Variants in TENM3 observed in about 807,000 individuals in gnomAD.
TENM3 encodes the protein teneurin transmembrane protein 3.
A neutral mutation model predicts 255.1 loss-of-function variants in TENM3; 63 were observed. The ratio of observed to expected loss-of-function variants is 0.25; its 90% CI spans 0.20 to 0.30. The LOEUF (loss-of-function observed/expected upper bound fraction) is 0.30, where lower values mean the gene tolerates loss of function less well. TENM3 is among the 10% of genes least tolerant of loss of function. The pLI is 1.00. For missense variants in TENM3, 2,929 were observed against 3,461.1 expected, an observed-to-expected ratio of 0.85 and a Z score of 3.86; for synonymous variants, 1,306 against 1,322.3, an observed-to-expected ratio of 0.99 and a Z score of 0.27.
At chr4:181,554,028 C>T in the TENM3 span, among the ~76,000 whole-genome samples, 7 of 152,116 alleles carry the variant, frequency 4.6e-5, no homozygotes. Flanking sequence ...CCTGTCTTCC[C>T]TCATGCGGCT....
At chr4:182,582,658 T>TA (rs1042207203) in intron 3 of TENM3, among the ~76,000 whole-genome samples, 2 of 152,170 alleles carry the variant, frequency 1.3e-5, no homozygotes, top group African/African-American at 4.8e-5. Context: ...GTCCTTTTTT[T>TA]AAAAAAGTAG....
At chr4:182,144,374 C>A, upstream of TENM3, 1 of 152,908 alleles carries the variant, frequency 6.5e-6, no homozygotes. Context: ...CTCGCCTCCC[C>A]GGTCCTCCCG....
At chr4:182,050,067 C>T in the TENM3 span, among the ~76,000 whole-genome samples, 1 of 151,932 alleles carries the variant, frequency 6.6e-6, no homozygotes, top group African/African-American at 2.4e-5. Flanking sequence ...ATCTCGGCTC[C>T]CTGCAACCTT....
intron 1 of TENM3, among the ~76,000 whole-genome samples, chr4:182,319,202 T>G (rs1294843512): frequency 2.0e-5 from 3 of 152,254 alleles, no homozygotes; most frequent in Non-Finnish European, 4.4e-5. Flanking sequence ...TTGCTAAATA[T>G]GCACACAGTG....
chr4:182,533,743 G>A (rs780481443), intron 3 of TENM3, among the ~76,000 whole-genome samples: 4 of 151,850 alleles, frequency 2.6e-5, no homozygotes, highest in Non-Finnish European at 4.4e-5. Flanking sequence ...GTGAAACCCC[G>A]TCTCTACAGA....
chr4:181,764,717 G>T, the TENM3 span, among the ~76,000 whole-genome samples: 1 of 152,024 alleles, frequency 6.6e-6, no homozygotes, highest in Admixed American at 6.5e-5. Context: ...TTTGTGATGG[G>T]GTCTTGCTCT....
At chr4:181,611,622 T>C in the TENM3 span, among the ~76,000 whole-genome samples, 1 of 152,228 alleles carries the variant, frequency 6.6e-6, no homozygotes, top group African/African-American at 2.4e-5. Context: ...CTAAAATCTG[T>C]GGACAATGCT....
chr4:182,500,773 A>G (rs1736232580), intron 3 of TENM3, among the ~76,000 whole-genome samples: 1 of 152,164 alleles, frequency 6.6e-6, no homozygotes, highest in South Asian at 2.1e-4. Context: ...GGCCAACAGG[A>G]TAGAGGATTG....
At chr4:182,236,253 ACAT>A (rs1396523578) in intron 1 of TENM3, among the ~76,000 whole-genome samples, 9 of 152,348 alleles carry the variant, frequency 5.9e-5, no homozygotes, top group African/African-American at 1.7e-4. Flanking sequence ...ACTGAATAAG[ACAT>A]CATATTTCTG....
chr4:181,567,511 A>G, the TENM3 span, among the ~76,000 whole-genome samples: 1 of 152,242 alleles, frequency 6.6e-6, no homozygotes, highest in Non-Finnish European at 1.5e-5. Flanking sequence ...GTAACTAAGC[A>G]ATACTAACTT....
At chr4:182,715,904 C>T (rs576691836) in intron 13 of TENM3, among the ~76,000 whole-genome samples, 1 of 152,318 alleles carries the variant, frequency 6.6e-6, no homozygotes, top group African/African-American at 2.4e-5. Context: ...TTTCTCTTAA[C>T]TTGGACAGTC....
At chr4:181,801,651 AATATATATATATATATATATATAT>A in the TENM3 span, among the ~76,000 whole-genome samples, 139 of 80,946 alleles carry the variant, frequency 1.7e-3, no homozygotes, top group South Asian at 3.7e-3. Context: ...AGAATTGTAA[AATATATATATATATATATATATAT>A]ATATATATAT....
the TENM3 span, among the ~76,000 whole-genome samples, chr4:182,100,970 G>A: frequency 7.1e-6 from 1 of 140,680 alleles, no homozygotes; most frequent in Admixed American, 7.4e-5. Context: ...CTTGAGCCCT[G>A]GGAGGTCTAG....
chr4:182,362,582 C>G (rs909785543), intron 3 of TENM3, among the ~76,000 whole-genome samples: 1 of 148,814 alleles, frequency 6.7e-6, no homozygotes, highest in Non-Finnish European at 1.5e-5. Context: ...CGGAAAAGCT[C>G]AGTACTCGGG....
At chr4:181,767,132 G>A in the TENM3 span, among the ~76,000 whole-genome samples, 2 of 146,192 alleles carry the variant, frequency 1.4e-5, no homozygotes, top group Non-Finnish European at 3.0e-5. Flanking sequence ...GGCGCCTGTA[G>A]TCCCAGCTAC....
chr4:182,445,013 T>TTCACTATGTC (rs1772799865), intron 3 of TENM3, among the ~76,000 whole-genome samples: 1 of 152,188 alleles, frequency 6.6e-6, no homozygotes, highest in Non-Finnish European at 1.5e-5. Flanking sequence ...TTCACTATGT[T>TTCACTATGTC]GGCCAGGCTG....
the TENM3 span, among the ~76,000 whole-genome samples, chr4:181,677,833 C>T: frequency 6.6e-6 from 1 of 152,074 alleles, no homozygotes; most frequent in Admixed American, 6.6e-5. Context: ...GACTCATTAG[C>T]CTTATTTCAG....
At chr4:182,538,290 A>G (rs1248036679) in intron 3 of TENM3, among the ~76,000 whole-genome samples, 2 of 152,210 alleles carry the variant, frequency 1.3e-5, no homozygotes, top group Non-Finnish European at 2.9e-5. Context: ...CAAATTCAGA[A>G]AAGGGAGTTT....
At chr4:181,635,159 G>T in the TENM3 span, among the ~76,000 whole-genome samples, 1 of 152,126 alleles carries the variant, frequency 6.6e-6, no homozygotes, top group Non-Finnish European at 1.5e-5. Context: ...GCAGCAGAAG[G>T]GAGGCATGCG....
Sources: allele counts gnomAD v4.1 joint callset (sites outside exome capture counted in the v4.1 genomes callset), GRCh38; gene constraint gnomAD v4.1.1; transcripts MANE v1.5; gene names NCBI Gene and HGNC (gene_info 2026-07-23, HGNC 2026-07-21).